The following GPR158 variants were observed in gnomAD, a reference collection of about 807,000 sequenced individuals.
The protein encoded by GPR158 is metabotropic glycine receptor.
In GPR158, 30 loss-of-function variants were observed where a neutral mutation model predicts 78.2. The observed-to-expected ratio is 0.38, with a 90% CI of 0.29 to 0.52. GPR158 has a LOEUF of 0.52. Among genes scored for constraint, GPR158 ranks in the 20% least tolerant of loss-of-function variants. The probability of loss-of-function intolerance (pLI) is 0.83; values close to 1 mark genes in which losing one functional copy is unlikely to be tolerated. For synonymous variants in GPR158, 581 were observed against 591.1 expected (o/e 0.98, Z 0.25); for missense variants, 1,463 against 1,523.5 (o/e 0.96, Z 0.66).
At chr10:25,424,320 C>T (rs1267152839) in intron 4 of GPR158, among the ~76,000 whole-genome samples, 1 of 152,110 alleles carries the variant, frequency 6.6e-6, no homozygotes, top group South Asian at 2.1e-4. Flanking sequence ...TTCTCCCATT[C>T]TGTAGGTTGC....
At chr10:25,414,316 A>C (rs766384728) in intron 4 of GPR158, among the ~76,000 whole-genome samples, 1 of 152,214 alleles carries the variant, frequency 6.6e-6, no homozygotes, top group Non-Finnish European at 1.5e-5. Context: ...TTTAATGACC[A>C]GAATCCTACT....
intron 5 of GPR158, among the ~76,000 whole-genome samples, chr10:25,476,194 A>G (rs890396349): frequency 6.6e-6 from 1 of 152,202 alleles, no homozygotes; most frequent in Non-Finnish European, 1.5e-5. Context: ...ATCACTATTC[A>G]TAATCACCTA....
chr10:25,259,162 A>G (rs1375336412), intron 2 of GPR158, among the ~76,000 whole-genome samples: 1 of 152,174 alleles, frequency 6.6e-6, no homozygotes, highest in Non-Finnish European at 1.5e-5. Context: ...ACATATAAGC[A>G]GTTCAAACAT....
Position 25,176,175 on chromosome 10 carries a change from G to T in GPR158, c.755G>T (p.Arg252Leu), listed in dbSNP as rs760721281. 3.2e-6 allele frequency: 5 copies of T among 1,579,722 alleles called. No individual in the cohort carries two copies. The highest frequency in any genetic ancestry group is 4.6e-5 in the East Asian group (2 of 43,820). Residue 252 changes from arginine to leucine, a missense_variant, in exon 1 of 11, where the codon CGC (arginine) becomes CTC (leucine). By Grantham distance (102) the Arg-to-Leu change is moderately radical. Coordinates refer to ENST00000376351, the MANE Select transcript of GPR158 (RefSeq NM_020752.3). The surrounding 1 kb of genome is among the most constrained non-coding windows in gnomAD (Gnocchi z 6.3). ...GPRGLGHSWR[R>L]KDGLGGDKSH... The stretch of plus-strand genomic sequence containing the variant: ...CGGGGCCTGGGCCACAGCTGGCGGC[G>T]CAAGGACGGGCTCGGCGGGGACAAG...
At chr10:25,214,448 A>G in intron 1 of GPR158, among the ~76,000 whole-genome samples, 1 of 152,224 alleles carries the variant, frequency 6.6e-6, no homozygotes, top group East Asian at 1.9e-4. Flanking sequence ...TTCCTGTAGT[A>G]ATACATCTTA....
chr10:25,241,384 C>A (rs894815531), intron 2 of GPR158, among the ~76,000 whole-genome samples: 1 of 131,504 alleles, frequency 7.6e-6, no homozygotes, highest in South Asian at 2.4e-4. Flanking sequence ...CTCTTCTCTT[C>A]TCTTCTCTTC....
At chr10:25,570,272 A>T (rs1836986991) in intron 6 of GPR158, among the ~76,000 whole-genome samples, 1 of 152,230 alleles carries the variant, frequency 6.6e-6, no homozygotes, top group Admixed American at 6.5e-5. Context: ...TTCATATTAT[A>T]TTTGGTCAAT....
intron 2 of GPR158, among the ~76,000 whole-genome samples, chr10:25,247,109 A>T (rs1217607157): frequency 6.6e-6 from 1 of 152,124 alleles, no homozygotes; most frequent in Non-Finnish European, 1.5e-5. Context: ...TCATTTCAGC[A>T]CTAGCTGGAG....
chr10:25,260,148 A>G (rs749889175), intron 2 of GPR158, among the ~76,000 whole-genome samples: 8 of 152,170 alleles, frequency 5.3e-5, no homozygotes, highest in Non-Finnish European at 1.2e-4. Context: ...ACTACGGCAC[A>G]TAACATTTGC....
At chr10:25,396,427 G>A (rs72780110) in intron 3 of GPR158, among the ~76,000 whole-genome samples, 4,389 of 152,212 alleles carry the variant, frequency 0.029, 86 homozygotes, top group Non-Finnish European at 0.043. Flanking sequence ...GCACAGATTC[G>A]TTATCATACG....
chr10:25,533,983 A>G (rs756898774), intron 5 of GPR158, among the ~76,000 whole-genome samples: 5 of 152,220 alleles, frequency 3.3e-5, no homozygotes, highest in Non-Finnish European at 7.3e-5. Context: ...AAGTTATTTT[A>G]TGTAGGGCAC....
chr10:25,454,820 A>G (rs1189547370), intron 4 of GPR158, among the ~76,000 whole-genome samples: 1 of 152,132 alleles, frequency 6.6e-6, no homozygotes, highest in Non-Finnish European at 1.5e-5. Flanking sequence ...TGTTTAACTT[A>G]TTCTCTAAAT....
intron 3 of GPR158, among the ~76,000 whole-genome samples, chr10:25,400,678 A>G (rs1226295649): frequency 6.6e-6 from 1 of 152,182 alleles, no homozygotes; most frequent in African/African-American, 2.4e-5. Context: ...CAAGCTTGTG[A>G]CTAGCTCATC....
At chr10:25,488,155 G>T (rs1399846780) in intron 5 of GPR158, among the ~76,000 whole-genome samples, 1 of 152,086 alleles carries the variant, frequency 6.6e-6, no homozygotes, top group Non-Finnish European at 1.5e-5. Flanking sequence ...GGGATCCTGG[G>T]TGACTACCAT....
rs563651304 is a variant in GPR158 at position 25,309,609 on chromosome 10, T to C, written c.1009-86302T>C. 2.0e-5 allele frequency among the ~76,000 whole-genome samples: 3 copies of C among 152,318 alleles called. No individual in the cohort carries two copies. In the East Asian group the frequency reaches 5.8e-4, roughly 29 times the overall value. On this transcript the variant is annotated intron_variant, in intron 2 of 10. Coordinates refer to ENST00000376351, the MANE Select transcript of GPR158 (RefSeq NM_020752.3). ...TACAGCTTTTGATATGATTTGGCTGTGTCCCCACCCAAATCTAATCTTGAA... is the reference window on the plus strand; with the variant it reads ...TACAGCTTTTGATATGATTTGGCTGCGTCCCCACCCAAATCTAATCTTGAA...
intron 2 of GPR158, among the ~76,000 whole-genome samples, chr10:25,241,163 TTCTTTCTTTC>T (rs1286577917): frequency 3.2e-5 from 4 of 125,468 alleles, no homozygotes; most frequent in African/African-American, 1.1e-4. Flanking sequence ...CTTTCTTTCT[TTCTTTCTTTC>T]TTTCTTTCTT....
At chr10:25,435,063 T>G (rs1437135457) in intron 4 of GPR158, among the ~76,000 whole-genome samples, 1 of 152,194 alleles carries the variant, frequency 6.6e-6, no homozygotes, top group Non-Finnish European at 1.5e-5. Context: ...ATTGTTGAGC[T>G]ATCTAAGGAT....
At chr10:25,568,096 T>C (rs530109660) in intron 6 of GPR158, among the ~76,000 whole-genome samples, 3 of 151,498 alleles carry the variant, frequency 2.0e-5, no homozygotes, top group South Asian at 2.1e-4. Context: ...CAAAGGTAGG[T>C]TGGAGAACAG....
intron 5 of GPR158, among the ~76,000 whole-genome samples, chr10:25,541,936 TTTTATATA>T (rs1484251496): frequency 6.8e-6 from 1 of 147,666 alleles, no homozygotes; most frequent in Non-Finnish European, 1.5e-5. Flanking sequence ...ATATATTATA[TTTTATATA>T]ATTATATAAA....
Sources: allele counts gnomAD v4.1 joint callset (sites outside exome capture counted in the v4.1 genomes callset), GRCh38; gene constraint gnomAD v4.1.1; non-coding constraint Gnocchi (gnomAD v3.1); transcripts MANE v1.5; gene names NCBI Gene and HGNC (gene_info 2026-07-23, HGNC 2026-07-21).